The following FXR1 variants were observed in gnomAD, a reference collection of about 807,000 sequenced individuals.
FXR1 encodes RNA-binding protein FXR1.
A neutral mutation model predicts 84.0 loss-of-function variants in FXR1; 15 were observed. The ratio of observed to expected loss-of-function variants is 0.18; its 90% confidence interval spans 0.12 to 0.27. The LOEUF is 0.27. Among genes scored for constraint, FXR1 ranks in the 10% least tolerant of loss-of-function variants. The probability of loss-of-function intolerance (pLI) is 1.00; values close to 1 mark genes in which losing one functional copy is unlikely to be tolerated. For synonymous variants in FXR1, 245 were observed against 250.7 expected, an observed-to-expected ratio of 0.98 and a Z score of 0.21; for missense variants, 480 against 774.4, an observed-to-expected ratio of 0.62 and a Z score of 4.51.
At chr3:180,968,335 AC>A in intron 14 of FXR1, 81 bp downstream of exon 14, 1 of 946,396 alleles carries the variant, frequency 1.1e-6, no homozygotes, top group Non-Finnish European at 1.6e-6. Flanking sequence ...TCCCAGGGCC[AC>A]CCATTTTTGG....
intron 13 of FXR1, among the ~76,000 whole-genome samples, chr3:180,963,520 T>C (rs893171871): frequency 6.6e-6 from 1 of 152,176 alleles, no homozygotes; most frequent in Non-Finnish European, 1.5e-5. Context: ...ACTGCCAAGA[T>C]TGCATATAGC....
intron 1 of FXR1, among the ~76,000 whole-genome samples, chr3:180,913,493 C>T (rs1717496625): frequency 6.6e-6 from 1 of 152,052 alleles, no homozygotes; most frequent in Non-Finnish European, 1.5e-5. Flanking sequence ...ATCACTGCCC[C>T]TGTTTTTGGA....
chr3:180,960,961 T>C (rs930494370), intron 10 of FXR1, among the ~76,000 whole-genome samples: 7 of 152,124 alleles, frequency 4.6e-5, no homozygotes, highest in African/African-American at 1.7e-4. Context: ...CTTACATGGA[T>C]TTTAGCATTT....
chr3:180,937,283 C>T (rs1720632020), intron 3 of FXR1, among the ~76,000 whole-genome samples: 1 of 151,928 alleles, frequency 6.6e-6, no homozygotes, highest in African/African-American at 2.4e-5. Context: ...GCTTCTTACA[C>T]TTTTTTGTTG....
At position 180,981,733 on chromosome 3, in the gene FXR1, G is replaced by A. The variant is rs1714619199; in HGVS notation, c.*5441G>A. 6.6e-6 allele frequency: 1 copy of A among 152,048 alleles called. No individual in the cohort carries two copies. The highest frequency in any genetic ancestry group is 1.5e-5 in the Non-Finnish European group (1 of 67,946). The allele number at this position is 152,048 out of a possible 1,614,324, so 9.4% of individuals were successfully genotyped here. On this transcript the variant is annotated 3_prime_UTR_variant, in exon 17 of 17. Coordinates refer to ENST00000357559, the MANE Select transcript of FXR1 (RefSeq NM_005087.4). Reference sequence around the variant, plus strand: ...TGGGACCTTAGAAAAAAGACCATTTGCTCTGGACTTTTGTTTCCCAAGCCA... The same window carrying A: ...TGGGACCTTAGAAAAAAGACCATTTACTCTGGACTTTTGTTTCCCAAGCCA...
rs145601855 is a variant in FXR1 at position 180,922,707 on chromosome 3, G to T, written c.51+9971G>T. Among the ~76,000 whole-genome samples the T allele has an allele frequency of 3.1e-3, 465 of 152,262 alleles. 3 individuals are homozygous for T. Among genetic ancestry groups the T allele is most frequent in the African/African-American group, 0.011 (443 of 41,548 alleles). ...GGCTCATTGCAGTCTTGACCTTCCAGGTTCAAGCGATCCTCCTGCCTCAGC... is the reference window on the plus strand; with the variant it reads ...GGCTCATTGCAGTCTTGACCTTCCATGTTCAAGCGATCCTCCTGCCTCAGC... On this transcript the variant is annotated intron_variant, in intron 1 of 16. Coordinates refer to ENST00000357559, the MANE Select transcript of FXR1 (RefSeq NM_005087.4).
intron 13 of FXR1, among the ~76,000 whole-genome samples, chr3:180,967,519 G>A (rs564776556): frequency 6.6e-6 from 1 of 150,444 alleles, no homozygotes; most frequent in East Asian, 2.0e-4. Context: ...AGAAACATTT[G>A]ACTATCCATA....
At chr3:180,932,757 A>G (rs915140706) in intron 1 of FXR1, among the ~76,000 whole-genome samples, 6 of 152,256 alleles carry the variant, frequency 3.9e-5, no homozygotes, top group Admixed American at 1.3e-4. Context: ...TGGCAAAGAT[A>G]GTATTCAAAA....
intron 1 of FXR1, among the ~76,000 whole-genome samples, chr3:180,917,036 A>G (rs191660865): frequency 6.6e-6 from 1 of 151,888 alleles, no homozygotes; most frequent in East Asian, 2.0e-4. Context: ...GAGTTTCACC[A>G]TGTTGGCCAG....
chr3:180,939,005 C>A (rs530859267), intron 3 of FXR1, among the ~76,000 whole-genome samples: 20 of 152,000 alleles, frequency 1.3e-4, no homozygotes, highest in Non-Finnish European at 2.4e-4. Context: ...AAGTGATTGT[C>A]GTGCCTTGGC....
At chr3:180,950,625 T>A (rs1358329539) in intron 7 of FXR1, among the ~76,000 whole-genome samples, 1 of 152,214 alleles carries the variant, frequency 6.6e-6, no homozygotes, top group Admixed American at 6.5e-5. Flanking sequence ...CTATACCCTT[T>A]AGACAGCTGC....
intron 1 of FXR1, chr3:180,932,923 A>G (rs577210512): frequency 5.5e-4 from 86 of 157,232 alleles, no homozygotes; most frequent in Non-Finnish European, 9.3e-4. Context: ...TAATTTCATT[A>G]GATCAAAACT....
chr3:180,915,050 G>C (rs551583415), intron 1 of FXR1: 1 of 396,232 alleles, frequency 2.5e-6, no homozygotes, highest in East Asian at 1.6e-4. Flanking sequence ...AAATCTCTCT[G>C]TCTAACATGA....
chr3:180,954,670 A>C (rs1373994413), intron 9 of FXR1, among the ~76,000 whole-genome samples: 1 of 152,132 alleles, frequency 6.6e-6, no homozygotes, highest in Non-Finnish European at 1.5e-5. Context: ...TAGTTTTACT[A>C]GGAGGGGGAC....
At position 180,980,282 on chromosome 3, in the gene FXR1, A is replaced by C. The variant is rs1714547932; in HGVS notation, c.*3990A>C. The C allele has an allele frequency of 6.6e-6, 1 of 152,072 alleles. No individual in the cohort carries two copies. Among genetic ancestry groups the C allele is most frequent in the Admixed American group, 6.6e-5 (1 of 15,244 alleles). 9.4% of individuals were successfully genotyped at this position (152,072 alleles called of 1,614,324 possible). ...CTGAATGCAATCTATAAGATATTCC[A>C]AACAAGGACAAAGTAATTTTTCACA... On this transcript the variant is annotated 3_prime_UTR_variant, in exon 17 of 17. Coordinates refer to ENST00000357559, the MANE Select transcript of FXR1 (RefSeq NM_005087.4).
At chr3:180,917,283 TTAA>T (rs1175617584) in intron 1 of FXR1, among the ~76,000 whole-genome samples, 4 of 152,300 alleles carry the variant, frequency 2.6e-5, no homozygotes, top group East Asian at 1.9e-4. Flanking sequence ...CATAGATATA[TTAA>T]TAATGATGAC....
rs199571585 is a variant in FXR1, at chr3:180,953,865, A to G, written c.880+25A>G. The G allele has an allele frequency of 5.3e-6, 6 of 1,126,566 alleles. No homozygotes were observed. The African/African-American group carries it at 6.2e-5, about 12-fold the overall frequency. 69.8% of individuals were successfully genotyped at this position (1,126,566 alleles called of 1,614,324 possible). On this transcript the variant is annotated intron_variant, in intron 9 of 16. Coordinates refer to ENST00000357559, the MANE Select transcript of FXR1 (RefSeq NM_005087.4). ...GGTAGGTACTTTTACTAAATGTTAA[A>G]TAAGTTAATAAACATTATTTAGTTA...
At chr3:180,915,499 C>G in intron 1 of FXR1, 1 of 1,498,344 alleles carries the variant, frequency 6.7e-7, no homozygotes, top group Non-Finnish European at 9.0e-7. Context: ...AGTTTTTTTC[C>G]AATTTAGAAG....
At chr3:180,965,945 G>A in intron 13 of FXR1, among the ~76,000 whole-genome samples, 1 of 152,170 alleles carries the variant, frequency 6.6e-6, no homozygotes, top group African/African-American at 2.4e-5. Flanking sequence ...ATACTACACT[G>A]GATTTCTAAG....
Sources: allele counts gnomAD v4.1 joint callset (sites outside exome capture counted in the v4.1 genomes callset), GRCh38; gene constraint gnomAD v4.1.1; transcripts MANE v1.5; gene names NCBI Gene and HGNC (gene_info 2026-07-23, HGNC 2026-07-21).